The following USP3 variants were observed in gnomAD, a reference collection of about 807,000 sequenced individuals.
The protein encoded by USP3 is ubiquitin specific peptidase 3, also known as ubiquitin carboxyl-terminal hydrolase 3.
A neutral mutation model predicts 72.3 loss-of-function variants in USP3; 20 were observed. The ratio of observed to expected loss-of-function variants is 0.28; its 90% CI spans 0.19 to 0.40. USP3 has a LOEUF of 0.40. USP3 is among the 10% of genes least tolerant of loss of function. USP3 has a pLI of 1.00. For missense variants in USP3, 479 were observed against 633.9 expected (o/e 0.76, Z 2.62); for synonymous variants, 222 against 225.3 (o/e 0.99, Z 0.13).
rs35244583 is a variant in USP3 at position 63,520,554 on chromosome 15, ATTTTTTTTT to A, written c.92-12074_92-12066del. Among the ~76,000 whole-genome samples the A allele has an allele frequency of 1.9e-4, 20 of 105,426 alleles. 1 individual carries two copies. The highest frequency in any genetic ancestry group is 6.4e-4 in the African/African-American group (17 of 26,588). The allele number at this position is 105,426 out of a possible 152,430, so 69.2% of individuals were successfully genotyped here. A position where few individuals can be genotyped will look rare whatever the true frequency, so the allele number is the denominator to read the frequency against. ...TTTGTTTGTTTGATTTCTGTTTTAG[ATTTTTTTTT>A]TTTTTTTTTTTTTTTTTTGAGATGG... On this transcript the variant is annotated intron_variant, in intron 1 of 14. Transcript: ENST00000380324.
intron 8 of USP3, among the ~76,000 whole-genome samples, chr15:63,567,188 TTTTA>T (rs1378087099): frequency 3.3e-5 from 5 of 152,088 alleles, no homozygotes; most frequent in Non-Finnish European, 7.4e-5. Flanking sequence ...CAAACTAACG[TTTTA>T]TTTGATTTTT....
intron 1 of USP3, among the ~76,000 whole-genome samples, chr15:63,516,203 A>G (rs2065848472): frequency 6.6e-6 from 1 of 152,162 alleles, no homozygotes; most frequent in Non-Finnish European, 1.5e-5. Flanking sequence ...AAACCTGTCA[A>G]AGGTCTGTGA....
At chr15:63,534,094 A>G (rs1233129433) in intron 2 of USP3, among the ~76,000 whole-genome samples, 1 of 152,184 alleles carries the variant, frequency 6.6e-6, no homozygotes, top group African/African-American at 2.4e-5. Context: ...ATAAATGGAA[A>G]AATTTCTAGC....
At chr15:63,519,102 A>G (rs751815868) in intron 1 of USP3, among the ~76,000 whole-genome samples, 8 of 152,154 alleles carry the variant, frequency 5.3e-5, no homozygotes, top group South Asian at 2.1e-4. Flanking sequence ...TATTGGTCAA[A>G]TCAGGACAGT....
intron 1 of USP3, among the ~76,000 whole-genome samples, chr15:63,518,955 T>C (rs1304685496): frequency 2.6e-5 from 4 of 152,068 alleles, no homozygotes; most frequent in African/African-American, 4.8e-5. Flanking sequence ...TTAGTAGATA[T>C]GGGGTTTCAC....
At chr15:63,548,919 T>C (rs967687631) in intron 3 of USP3, among the ~76,000 whole-genome samples, 6 of 152,312 alleles carry the variant, frequency 3.9e-5, no homozygotes, top group African/African-American at 7.2e-5. Context: ...GCTAGTATTA[T>C]AGAATTTTGG....
intron 1 of USP3, among the ~76,000 whole-genome samples, chr15:63,526,737 C>G (rs1191736877): frequency 1.3e-5 from 2 of 152,184 alleles, no homozygotes; most frequent in East Asian, 3.8e-4. Flanking sequence ...CAAGAAAAAA[C>G]TTGAAAACCA....
intron 3 of USP3, among the ~76,000 whole-genome samples, chr15:63,547,801 GCATAGAGAGAGGCAT>G (rs2066363824): frequency 5.6e-5 from 1 of 17,862 alleles, no homozygotes. Flanking sequence ...AGAGAGAGAG[GCATAGAGAGAGGCAT>G]AGAGAGAGAG....
chr15:63,551,962 A>C (rs1418875594), intron 3 of USP3: 1 of 152,238 alleles, frequency 6.6e-6, no homozygotes, highest in African/African-American at 2.4e-5. Context: ...GTTATACCAG[A>C]AAGGATTACC....
Position 63,567,628 on chromosome 15 carries a change from G to A in USP3, c.762-2805G>A, listed in dbSNP as rs140023887. On this transcript the variant is annotated intron_variant, in intron 8 of 14. Coordinates refer to ENST00000380324, the MANE Select transcript of USP3 (RefSeq NM_006537.4). ...CCCAAAGTGCTGGGATTACAGGCGT[G>A]AGCCACCGTGCCTGGCCTAATTTTT... is the stretch of plus-strand genomic sequence containing the variant. Among the ~76,000 whole-genome samples, 256 of 152,226 alleles carry A rather than the reference G, an allele frequency of 1.7e-3. 3 individuals are homozygous for A. In the East Asian group the frequency reaches 0.022, roughly 13 times the overall value.
Position 63,544,078 on chromosome 15 carries a change from A to G in USP3, c.284+6922A>G, listed in dbSNP as rs1423018802. ...AAAAAAAGGAAATTAGTTTAATAAT[A>G]GTATGAAGATATTGTGAATAGCAAG... On this transcript the variant is annotated intron_variant, in intron 3 of 14. Transcript: ENST00000380324. This position sits in a 1 kb window ranked among gnomAD's most constrained non-coding sequence, Gnocchi z 4.2. Among the ~76,000 whole-genome samples the G allele has an allele frequency of 6.6e-6, 1 of 151,280 alleles. No homozygotes were observed. The highest frequency in any genetic ancestry group is 2.4e-5 in the African/African-American group (1 of 41,280).
At chr15:63,559,704 T>C (rs888635359) in intron 6 of USP3, among the ~76,000 whole-genome samples, 153 bp from the exon 7 acceptor site, 7 of 152,216 alleles carry the variant, frequency 4.6e-5, no homozygotes, top group Admixed American at 3.3e-4. Context: ...AAAATCATAA[T>C]GAAGAATCTG....
intron 5 of USP3, 111 bp downstream of exon 5, chr15:63,556,859 C>A: frequency 1.2e-6 from 1 of 820,932 alleles, no homozygotes; most frequent in Non-Finnish European, 1.9e-6. Context: ...AAATGTGTGT[C>A]TTGGATTTGG....
At chr15:63,566,481 T>C (rs2066693779) in intron 8 of USP3, among the ~76,000 whole-genome samples, 1 of 151,890 alleles carries the variant, frequency 6.6e-6, no homozygotes, top group Non-Finnish European at 1.5e-5. Context: ...CCTGGCTAAT[T>C]TTTTTGTATT....
intron 11 of USP3, chr15:63,587,946 C>T (rs140305217): frequency 3.4e-4 from 56 of 162,514 alleles, no homozygotes; most frequent in African/African-American, 1.3e-3. Flanking sequence ...GAGTTTGGAG[C>T]TTTGTCCTGT....
rs2066094961 is a variant in USP3 at position 63,532,694 on chromosome 15, G to A, written c.139G>A (p.Val47Ile). The change falls in exon 2 of 15, where the codon GTC (valine) becomes ATC (isoleucine). Residue 47 changes from valine to isoleucine, a missense_variant. Physicochemically the swap from Val to Ile is conservative, Grantham distance 29. Coordinates refer to ENST00000380324, the MANE Select transcript of USP3 (RefSeq NM_006537.4). ...TTGGGTCTGTTTGACTTGTTCAAGTGTCCACTGTGGAAGGTAGGTGACATA... is the reference window on the plus strand; with the variant it reads ...TTGGGTCTGTTTGACTTGTTCAAGTATCCACTGTGGAAGGTAGGTGACATA... ...SPWVCLTCSS[V>I]HCGRYVNGHA... is the part of the protein sequence containing the mutation. 4 of 1,614,012 alleles carry A rather than the reference G, an allele frequency of 2.5e-6. No homozygotes were observed. Among genetic ancestry groups the A allele is most frequent in the African/African-American group, 1.3e-5 (1 of 75,032 alleles).
At position 63,570,758 on chromosome 15, in the gene USP3, G is replaced by A. The variant is rs1158555879; in HGVS notation, c.908+179G>A. Among the ~76,000 whole-genome samples, 2 of 152,104 alleles carry A rather than the reference G, an allele frequency of 1.3e-5. No individual in the cohort carries two copies. Among genetic ancestry groups the A allele is most frequent in the African/African-American group, 2.4e-5 (1 of 41,398 alleles). ...ACATACCTCTTGCTTCTAGACCAGA[G>A]GCATCTTGTATTTGCATCCTGATTT... On this transcript the variant is annotated intron_variant, in intron 9 of 14. Transcript: ENST00000380324. The surrounding 1 kb of genome is among the most constrained non-coding windows in gnomAD (Gnocchi z 4.4).
chr15:63,563,344 A>G (rs1430482482), intron 8 of USP3, among the ~76,000 whole-genome samples: 1 of 152,198 alleles, frequency 6.6e-6, no homozygotes, highest in African/African-American at 2.4e-5. Flanking sequence ...ACCATCACAC[A>G]CTGTCTTGTT....
In USP3 at chr15:63,556,755, A is replaced by T; in HGVS notation, c.450+7A>T. ...CAAGTTATTAAAAGTAAATGTAAGT[A>T]ATTAAAATTTATTCAAATATAAGAG... On this transcript the variant is annotated splice_region_variant and intron_variant, in intron 5 of 14. Coordinates refer to ENST00000380324, the MANE Select transcript of USP3 (RefSeq NM_006537.4). The T allele has an allele frequency of 1.3e-6, 2 of 1,542,620 alleles. No homozygotes were observed. Among genetic ancestry groups the T allele is most frequent in the East Asian group, 2.3e-5 (1 of 43,330 alleles).
Sources: allele counts gnomAD v4.1 joint callset (sites outside exome capture counted in the v4.1 genomes callset), GRCh38; gene constraint gnomAD v4.1.1; non-coding constraint Gnocchi (gnomAD v3.1); transcripts MANE v1.5; gene names NCBI Gene and HGNC (gene_info 2026-07-23, HGNC 2026-07-21).